The following PCDHGA6 variants were observed in gnomAD, a reference collection of about 807,000 sequenced individuals.
The protein encoded by PCDHGA6 is protocadherin gamma subfamily A, 6, also known as protocadherin gamma-A6.
PCDHGA6 carries 41 observed loss-of-function variants against 60.6 expected under a neutral mutation model. That is an observed-to-expected ratio of 0.68 (90% CI 0.53 to 0.88). The LOEUF is 0.88. Among genes scored for constraint, PCDHGA6 ranks in the 40% least tolerant of loss-of-function variants. PCDHGA6 has a pLI of 0.00. For synonymous variants in PCDHGA6, 594 were observed against 524.4 expected (o/e 1.13, Z -1.81); for missense variants, 1,312 against 1,203.0 (o/e 1.09, Z -1.34).
chr5:141,455,047 C>T (rs2098811276), intron 1 of PCDHGA6, among the ~76,000 whole-genome samples: 1 of 150,004 alleles, frequency 6.7e-6, no homozygotes, highest in African/African-American at 2.5e-5. Context: ...CTCCTGACCT[C>T]GTGATCCGCC....
At chr5:141,433,607 G>A (rs1209706866) in intron 1 of PCDHGA6, among the ~76,000 whole-genome samples, 2 of 152,078 alleles carry the variant, frequency 1.3e-5, no homozygotes, top group East Asian at 1.9e-4. Context: ...AGGCCGAGGC[G>A]GGTGGATCAC....
At chr5:141,474,156 A>C (rs1387216017) in intron 1 of PCDHGA6, among the ~76,000 whole-genome samples, 1 of 152,244 alleles carries the variant, frequency 6.6e-6, no homozygotes, top group East Asian at 1.9e-4. Flanking sequence ...CAAGAAAATG[A>C]CAGGCCTTAT....
intron 1 of PCDHGA6, chr5:141,419,462 C>T: frequency 6.2e-7 from 1 of 1,612,582 alleles, no homozygotes. Flanking sequence ...GCTGCAGGCC[C>T]GCGACCAGGG....
In PCDHGA6 at chr5:141,511,346, C is replaced by T; in HGVS notation, c.*173C>T. 7.1e-7 allele frequency: 1 copy of T among 1,400,168 alleles called. No homozygotes were observed. The allele number at this position is 1,400,168 out of a possible 1,614,324, so 86.7% of individuals were successfully genotyped here. A position where few individuals can be genotyped will look rare whatever the true frequency, so the allele number is the denominator to read the frequency against. On this transcript the variant is annotated 3_prime_UTR_variant, in exon 4 of 4. Transcript: ENST00000517434. ...AGTGCCCAGTCAGCACCTACCCCTT[C>T]CCCCCCAGGGGGTTGAATATGCAAA...
chr5:141,400,217 T>G, intron 1 of PCDHGA6: 1 of 1,614,034 alleles, frequency 6.2e-7, no homozygotes, highest in Non-Finnish European at 8.5e-7. Context: ...TTGATCTCAG[T>G]GCTCTTCCTC....
At chr5:141,399,398 G>T (rs1374441258) in intron 1 of PCDHGA6, 4 of 1,613,854 alleles carry the variant, frequency 2.5e-6, no homozygotes, top group Non-Finnish European at 3.4e-6. Flanking sequence ...ACAGACAGGG[G>T]CAAGCCGCCC....
At position 141,403,340 on chromosome 5, in the gene PCDHGA6, G is replaced by GC. The variant is rs1435471755; in HGVS notation, c.2424+26837dup. The GC allele has an allele frequency of 5.6e-6, 9 of 1,613,982 alleles. No homozygotes were observed. In the South Asian group the frequency reaches 9.9e-5, roughly 18 times the overall value. ...AGAAGTAACTGATATTAACGACAGCGCCCCAAAGTTCCAGGCCGAAAGTCT... is the reference window on the plus strand; with the variant it reads ...AGAAGTAACTGATATTAACGACAGCGCCCCCAAAGTTCCAGGCCGAAAGTCT... On this transcript the variant is annotated intron_variant, in intron 1 of 3. Transcript: ENST00000517434.
chr5:141,461,347 G>C (rs2154567331), intron 1 of PCDHGA6, among the ~76,000 whole-genome samples: 1 of 152,242 alleles, frequency 6.6e-6, no homozygotes, highest in Admixed American at 6.5e-5. Flanking sequence ...GGACCAAGGT[G>C]GTAGCTCGTT....
intron 1 of PCDHGA6, chr5:141,421,399 C>G: frequency 4.3e-6 from 7 of 1,614,046 alleles, no homozygotes; most frequent in Non-Finnish European, 5.1e-6. Context: ...GCTGGAGCCC[C>G]GGGAGCTGGC....
intron 1 of PCDHGA6, chr5:141,395,349 CAG>C: frequency 7.2e-7 from 1 of 1,382,548 alleles, no homozygotes; most frequent in South Asian, 1.5e-5. Flanking sequence ...AGGTGTATCA[CAG>C]AGTTTTGGGT....
chr5:141,413,760 C>G (rs778067298), intron 1 of PCDHGA6: 2 of 1,613,250 alleles, frequency 1.2e-6, no homozygotes, highest in African/African-American at 2.7e-5. Context: ...GCGTCAAGTA[C>G]CCGGAGCTGG....
At position 141,431,262 on chromosome 5, in the gene PCDHGA6, A is replaced by G. The variant is rs371663018; in HGVS notation, c.2424+54755A>G. The stretch of plus-strand genomic sequence containing the variant: ...CCGGATATCGGGAAGAACTCTCTGC[A>G]GAGCTACGAGCTCAGCCCGAACACT... On this transcript the variant is annotated intron_variant, in intron 1 of 3. Coordinates refer to ENST00000517434, the MANE Select transcript of PCDHGA6 (RefSeq NM_018919.3). The surrounding 1 kb of genome is among the most constrained non-coding windows in gnomAD (Gnocchi z 4.8). The G allele has an allele frequency of 2.6e-5, 42 of 1,614,184 alleles. No homozygotes were observed. In the African/African-American group the frequency reaches 2.7e-4, roughly 10 times the overall value.
chr5:141,404,358 C>T (rs746085915), intron 1 of PCDHGA6: 19 of 1,613,846 alleles, frequency 1.2e-5, no homozygotes, highest in Non-Finnish European at 1.6e-5. Context: ...GCCAGAGGTA[C>T]TTCCATCTTC....
intron 1 of PCDHGA6, among the ~76,000 whole-genome samples, chr5:141,442,967 G>T (rs553833025): frequency 1.3e-5 from 2 of 152,220 alleles, no homozygotes; most frequent in African/African-American, 2.4e-5. Context: ...AGACATTCTG[G>T]CTGATAAAGT....
intron 1 of PCDHGA6, chr5:141,428,221 G>T (rs1314522513): frequency 1.0e-5 from 12 of 1,177,166 alleles, no homozygotes; most frequent in East Asian, 4.9e-5. Context: ...CCTAGTCTTC[G>T]CAGACAGCCT....
At chr5:141,395,072 T>C in intron 1 of PCDHGA6, 1 of 1,614,148 alleles carries the variant, frequency 6.2e-7, no homozygotes, top group Non-Finnish European at 8.5e-7. Context: ...TGCAGACCTA[T>C]TCCCAGGAAG....
chr5:141,432,575 T>TACC lies in PCDHGA6; in HGVS notation c.2424+56069_2424+56071dup, dbSNP rs1044250629. 6.2e-7 allele frequency: 1 copy of TACC among 1,613,326 alleles called. No individual in the cohort carries two copies. The highest frequency in any genetic ancestry group is 1.3e-5 in the African/African-American group (1 of 74,718). ...CTCCGGCCAGAACGCCTGGCTGTCC[T>TACC]ACCGTCTGCTCAAGGCCAGCGAGCC... On this transcript the variant is annotated intron_variant, in intron 1 of 3. Transcript: ENST00000517434. This position sits in a 1 kb window ranked among gnomAD's most constrained non-coding sequence, Gnocchi z 6.0.
intron 1 of PCDHGA6, chr5:141,414,279 A>G (rs1369675815): frequency 1.9e-6 from 3 of 1,613,350 alleles, no homozygotes; most frequent in Admixed American, 3.3e-5. Context: ...CTCTGGGAAC[A>G]GTCGTAGCCC....
At chr5:141,434,431 T>C (rs931458644) in intron 1 of PCDHGA6, among the ~76,000 whole-genome samples, 2 of 152,186 alleles carry the variant, frequency 1.3e-5, no homozygotes, top group African/African-American at 2.4e-5. Context: ...ATGATGGCCG[T>C]AATGCCCATG....
Sources: allele counts gnomAD v4.1 joint callset (sites outside exome capture counted in the v4.1 genomes callset), GRCh38; gene constraint gnomAD v4.1.1; non-coding constraint Gnocchi (gnomAD v3.1); transcripts MANE v1.5; gene names NCBI Gene and HGNC (gene_info 2026-07-23, HGNC 2026-07-21).